The following ODAD4 variants were observed in gnomAD, a reference collection of about 807,000 sequenced individuals.
The protein encoded by ODAD4 is outer dynein arm-docking complex subunit 4.
ODAD4 carries 49 observed loss-of-function variants against 51.8 expected under a neutral mutation model. The observed-to-expected ratio is 0.95, with a 90% confidence interval of 0.75 to 1.20. The LOEUF (loss-of-function observed/expected upper bound fraction) is 1.20. ODAD4 is among the 50% of genes most tolerant of loss of function. The pLI is 0.00. For synonymous variants in ODAD4, 235 were observed against 221.3 expected, an observed-to-expected ratio of 1.06 and a Z score of -0.55; for missense variants, 590 against 586.5, an observed-to-expected ratio of 1.01 and a Z score of -0.06.
intron 10 of ODAD4, among the ~76,000 whole-genome samples, chr17:41,956,739 AC>A (rs2050739765): frequency 6.6e-6 from 1 of 151,346 alleles, no homozygotes; most frequent in Non-Finnish European, 1.5e-5. Flanking sequence ...ACAGAGCGAG[AC>A]CCTGTCTCTA....
rs1555637638 is a variant in ODAD4, at chr17:41,935,591, C to T, written c.247-8C>T. On this transcript the variant is annotated splice_polypyrimidine_tract_variant and splice_region_variant and intron_variant, in intron 2 of 11. Transcript: ENST00000377540. ...TGTTCACATTGATTTGATTTCCTCC[C>T]ATTCCAGGGGATTTTGCAAAAGGCT... The T allele has an allele frequency of 1.2e-6, 2 of 1,609,408 alleles. No individual in the cohort carries two copies. The highest frequency in any genetic ancestry group is 1.7e-6 in the Non-Finnish European group (2 of 1,177,556).
chr17:41,965,115 G>A lies in ODAD4; in HGVS notation c.1651G>A (p.Asp551Asn). The A allele has an allele frequency of 1.3e-6, 1 of 773,008 alleles. No individual in the cohort carries two copies. The highest frequency in any genetic ancestry group is 2.4e-6 in the Non-Finnish European group (1 of 414,402). The allele number at this position is 773,008 out of a possible 1,614,324, so 47.9% of individuals were successfully genotyped here. Residue 551 changes from aspartate to asparagine, a missense_variant, in exon 12 of 12, where the codon GAC becomes AAC. By Grantham distance (23) the Asp-to-Asn change is conservative. Around this residue, in one of 3 missense-constraint regions of ODAD4, gnomAD observed 226 missense variants for 162.7 expected, o/e 1.39. Coordinates refer to ENST00000377540, the MANE Select transcript of ODAD4 (RefSeq NM_031421.5). ...TGAGGATGAGAAAGAGACAGATGAG[G>A]ACGATGAGGCTTTTGGGGAAGCTCT... ...HSEDEKETDE[D>N]DEAFGEALQS...
intron 7 of ODAD4, among the ~76,000 whole-genome samples, chr17:41,943,240 C>T (rs2050531694): frequency 6.6e-6 from 1 of 152,132 alleles, no homozygotes; most frequent in African/African-American, 2.4e-5. Flanking sequence ...AAAGCAGTTC[C>T]TTGCTATTTT....
intron 11 of ODAD4, among the ~76,000 whole-genome samples, chr17:41,964,081 A>G (rs372255993): frequency 3.1e-4 from 43 of 137,812 alleles, no homozygotes; most frequent in East Asian, 1.7e-3. Context: ...TTTTTTTGAG[A>G]TGGAGTTTTG....
rs1034043766 is a variant in ODAD4, at chr17:41,966,422, A to T, written c.*939A>T. On this transcript the variant is annotated 3_prime_UTR_variant, in exon 12 of 12. Transcript: ENST00000377540. ...TGATAATATTTTAATCCAATGTGGT[A>T]AAAAAAAAAGTTTTTAATTAATGCA... Among the ~76,000 whole-genome samples the T allele has an allele frequency of 8.7e-5, 13 of 149,556 alleles. No homozygotes were observed. The highest frequency in any genetic ancestry group is 2.7e-4 in the Admixed American group (4 of 14,942).
Position 41,936,548 on chromosome 17 carries a change from T to C in ODAD4, c.459+14T>C, listed in dbSNP as rs1555637836. ...AAGCAGGCTGAGGTAAGGGCCCTGG[T>C]TCTGTGGTTGTATCCCTCCAAGGGA... On this transcript the variant is annotated intron_variant, in intron 4 of 11. Transcript: ENST00000377540. 6.2e-7 allele frequency: 1 copy of C among 1,610,372 alleles called. No homozygotes were observed. The highest frequency in any genetic ancestry group is 2.2e-5 in the East Asian group (1 of 44,868).
rs1225015573 is a variant in ODAD4 at position 41,935,395 on chromosome 17, A to G, written c.246+47A>G. The G allele has an allele frequency of 8.8e-6, 14 of 1,599,384 alleles. No individual in the cohort carries two copies. The Admixed American group carries it at 1.9e-4, about 22-fold the overall frequency. On this transcript the variant is annotated intron_variant, in intron 2 of 11. Coordinates refer to ENST00000377540, the MANE Select transcript of ODAD4 (RefSeq NM_031421.5). ...CTGGATCCTGCCATTGCCTGTAGCA[A>G]CTTCTGGTTACAAGTAGTTGTTACA...
At chr17:41,945,296 C>T (rs955314215) in intron 8 of ODAD4, 74 bp downstream of exon 8, 16 of 1,169,010 alleles carry the variant, frequency 1.4e-5, no homozygotes, top group East Asian at 7.8e-5. Flanking sequence ...AATTTGTTTC[C>T]GGTAATAAGA....
At chr17:41,951,660 G>A (rs868985590) in intron 9 of ODAD4, among the ~76,000 whole-genome samples, 2 of 151,460 alleles carry the variant, frequency 1.3e-5, no homozygotes, top group Non-Finnish European at 2.9e-5. Flanking sequence ...GAGGCAGGTG[G>A]ATCACCTGAG....
chr17:41,935,510 A>G, intron 2 of ODAD4, 89 bp from the exon 3 acceptor site: 1 of 1,524,654 alleles, frequency 6.6e-7, no homozygotes, highest in Non-Finnish European at 8.8e-7. Context: ...TCCAACCTTG[A>G]CCTTCAACCC....
At chr17:41,939,241 T>C in intron 7 of ODAD4, 69 bp downstream of exon 7, 1 of 1,429,130 alleles carries the variant, frequency 7.0e-7, no homozygotes, top group Admixed American at 2.4e-5. Context: ...TCTGAGGCCC[T>C]TGCCAGGGCT....
chr17:41,932,350 C>T (rs565308894), intron 1 of ODAD4, among the ~76,000 whole-genome samples: 4 of 152,038 alleles, frequency 2.6e-5, no homozygotes, highest in East Asian at 3.9e-4. Context: ...GGATTACAGG[C>T]GTGAACCACC....
At position 41,965,292 on chromosome 17, in the gene ODAD4, G is replaced by T. The variant is rs868936222; in HGVS notation, c.1828G>T (p.Glu610Ter). 1.3e-6 allele frequency: 1 copy of T among 780,158 alleles called. No individual in the cohort carries two copies. Among genetic ancestry groups the T allele is most frequent in the Middle Eastern group, 2.3e-4 (1 of 4,442 alleles). The allele number at this position is 780,158 out of a possible 1,614,324, so 48.3% of individuals were successfully genotyped here. A position where few individuals can be genotyped will look rare whatever the true frequency, so the allele number is the denominator to read the frequency against. The change falls in exon 12 of 12, where the codon GAA (glutamate) becomes TAA (stop). Residue 610 changes from glutamate (E) to a stop codon, truncating the protein, a stop_gained. Coordinates refer to ENST00000377540, the MANE Select transcript of ODAD4 (RefSeq NM_031421.5). LOFTEE classifies it low-confidence loss of function (END_TRUNC). ...AGAAGCTGGCAGAAGAGAGTCAAGA[G>T]AAATTTATAGGAGGCCTTCGGGAGA... ...LLEAGRRESR[E>*]IYRRPSGELE...
rs921666925 is a variant in ODAD4 at position 41,935,652 on chromosome 17, C to T, written c.300C>T (p.Ala100=). ...TLYTMGDFEF[A]LVFYHRGYKL... is the part of the protein sequence containing the mutation. The stretch of plus-strand genomic sequence containing the variant: ...ACACCATGGGAGACTTTGAGTTTGC[C>T]TTGGTATTCTATCATCGAGGCTACA... The change falls in exon 3 of 12, where the codon GCC becomes GCT. Residue 100 remains alanine (A), a synonymous_variant. Transcript: ENST00000377540. The T allele has an allele frequency of 6.8e-6, 11 of 1,613,438 alleles. No homozygotes were observed. The African/African-American group carries it at 1.5e-4, about 22-fold the overall frequency.
chr17:41,935,247 T>C lies in ODAD4; in HGVS notation c.145T>C (p.Cys49Arg), dbSNP rs2050407798. The C allele has an allele frequency of 6.2e-7, 1 of 1,613,908 alleles. No individual in the cohort carries two copies. Residue 49 changes from cysteine to arginine, a missense_variant, in exon 2 of 12, where the codon TGC becomes CGC. By Grantham distance (180) the Cys-to-Arg change is radical. Coordinates refer to ENST00000377540, the MANE Select transcript of ODAD4 (RefSeq NM_031421.5). ...ALYLQDGDKNCLVARSKCFLK... is the reference protein window; with the variant it reads ...ALYLQDGDKNRLVARSKCFLK... ...TTACCTTCAGGATGGAGACAAGAAC[T>C]GCCTGGTTGCTCGCTCAAAGTGCTT...
At chr17:41,936,624 A>T (rs1218238526) in intron 4 of ODAD4, 90 bp downstream of exon 4, 37 of 1,510,466 alleles carry the variant, frequency 2.4e-5, no homozygotes, top group Admixed American at 3.5e-5. Context: ...CTGCAACCTG[A>T]CCAGGCATAC....
At position 41,965,668 on chromosome 17, in the gene ODAD4, T is replaced by C; in HGVS notation, c.*185T>C. 1 of 564,658 alleles carries C rather than the reference T, an allele frequency of 1.8e-6. No homozygotes were observed. Among genetic ancestry groups the C allele is most frequent in the Admixed American group, 3.4e-5 (1 of 29,554 alleles). The allele number at this position is 564,658 out of a possible 1,614,324, so 35.0% of individuals were successfully genotyped here. ...TCTTGCAAACCCTGAGTCTGTCACT[T>C]TGCCTCTTCACCCCTGCCCATTCTT... On this transcript the variant is annotated 3_prime_UTR_variant, in exon 12 of 12. Coordinates refer to ENST00000377540, the MANE Select transcript of ODAD4 (RefSeq NM_031421.5).
rs200778987 is a variant in ODAD4, at chr17:41,955,242, C to T, written c.1368C>T (p.Ala456=). 5.0e-5 allele frequency: 39 copies of T among 779,272 alleles called. No homozygotes were observed. Among genetic ancestry groups the T allele is most frequent in the African/African-American group, 2.2e-4 (13 of 59,074 alleles). The allele number at this position is 779,272 out of a possible 1,614,324, so 48.3% of individuals were successfully genotyped here. The change falls in exon 10 of 12, where the codon GCC becomes GCT. Residue 456 remains alanine (A), a synonymous_variant. Coordinates refer to ENST00000377540, the MANE Select transcript of ODAD4 (RefSeq NM_031421.5). ...TGAAGCTGAGAGACTTCGAGTCAGC[C>T]GTGAACAATTTTGAGAAGGCCCTGG... ...AQVKLRDFES[A]VNNFEKALER...
At chr17:41,960,984 G>A (rs2050798483) in intron 10 of ODAD4, among the ~76,000 whole-genome samples, 1 of 152,224 alleles carries the variant, frequency 6.6e-6, no homozygotes, top group African/African-American at 2.4e-5. Context: ...CCCCCAGCCT[G>A]TCCCCTTGGT....
Sources: gnomAD v4.1 joint callset for allele counts (sites outside exome capture counted in the v4.1 genomes callset) on GRCh38, gnomAD v4.1.1 for gene constraint, gnomAD v4.1.1 regional missense constraint, MANE v1.5 for transcripts, NCBI Gene and HGNC (gene_info 2026-07-23, HGNC 2026-07-21) for gene names.